Variants in GLT1D1 observed in about 807,000 individuals in gnomAD.
The protein encoded by GLT1D1 is glycosyltransferase 1 domain containing 1, also known as glycosyltransferase 1 domain-containing protein 1.
A neutral mutation model predicts 28.7 loss-of-function variants in GLT1D1; 21 were observed. That is an observed-to-expected ratio of 0.73 (90% confidence interval 0.52 to 1.05). The LOEUF (loss-of-function observed/expected upper bound fraction) is 1.05, where lower values mean the gene tolerates loss of function less well. Ranked by LOEUF, GLT1D1 falls within the 50% of genes least tolerant of loss-of-function variation. The pLI is 0.00. For missense variants in GLT1D1, 343 were observed against 330.6 expected, an observed-to-expected ratio of 1.04 and a Z score of -0.29; for synonymous variants, 147 against 124.8, an observed-to-expected ratio of 1.18 and a Z score of -1.19.
At chr12:128,967,300 C>T (rs568290186) in intron 7 of GLT1D1, among the ~76,000 whole-genome samples, 46 of 152,326 alleles carry the variant, frequency 3.0e-4, no homozygotes, top group Non-Finnish European at 5.0e-4. Context: ...AGTCAGTCAA[C>T]GGTTTAATGT....
chr12:128,905,974 A>G (rs1294660751), intron 4 of GLT1D1, among the ~76,000 whole-genome samples: 1 of 151,466 alleles, frequency 6.6e-6, no homozygotes, highest in Non-Finnish European at 1.5e-5. Context: ...CTGGGACTAC[A>G]GGCCCATGCC....
chr12:128,896,794 G>T (rs11060000), intron 3 of GLT1D1, among the ~76,000 whole-genome samples: 3 of 151,866 alleles, frequency 2.0e-5, no homozygotes, highest in African/African-American at 7.3e-5. Context: ...TGGCTGCATA[G>T]AATTCTATCA....
intron 4 of GLT1D1, 39 bp downstream of exon 5, chr12:128,912,499 A>C: frequency 9.0e-7 from 1 of 1,115,504 alleles, no homozygotes; most frequent in Non-Finnish European, 1.3e-6. Context: ...ATGTACAGGG[A>C]TAGAGAATGA....
intron 7 of GLT1D1, among the ~76,000 whole-genome samples, chr12:128,981,956 C>T (rs750542225): frequency 6.6e-6 from 1 of 152,176 alleles, no homozygotes; most frequent in Non-Finnish European, 1.5e-5. Flanking sequence ...TGTTGACTTA[C>T]ACACGCGCAT....
chr12:128,948,670 T>C (rs1876378302), intron 6 of GLT1D1, among the ~76,000 whole-genome samples: 1 of 152,228 alleles, frequency 6.6e-6, no homozygotes, highest in South Asian at 2.1e-4. Context: ...TCATAAGTCT[T>C]TGGGATATCC....
At chr12:128,935,282 C>T (rs1874427981) in intron 4 of GLT1D1, among the ~76,000 whole-genome samples, 1 of 152,120 alleles carries the variant, frequency 6.6e-6, no homozygotes, top group African/African-American at 2.4e-5. Context: ...CGCGGTGGCT[C>T]ACGTCTGTAA....
intron 4 of GLT1D1, among the ~76,000 whole-genome samples, chr12:128,925,185 CTTTTA>C (rs1873081151): frequency 1.3e-5 from 2 of 151,954 alleles, no homozygotes; most frequent in Admixed American, 6.6e-5. Flanking sequence ...TTTTCTTCAA[CTTTTA>C]TTTTAAGTTC....
In GLT1D1 at chr12:128,856,366, G is replaced by A. The variant is rs192257845; in HGVS notation, c.68+2717G>A. Among the ~76,000 whole-genome samples the A allele has an allele frequency of 2.4e-3, 358 of 152,244 alleles. 1 individual carries two copies. The highest frequency in any genetic ancestry group is 4.0e-3 in the Non-Finnish European group (275 of 68,006). ...AATGCCTTAACCATCTGTGATTGCA[G>A]CCCAGTAGGTCTTAACCTCATTTTA... On this transcript the variant is annotated intron_variant, in intron 1 of 7. Transcript: ENST00000281703.
chr12:128,977,132 A>G (rs927500229), intron 7 of GLT1D1, among the ~76,000 whole-genome samples: 1 of 152,114 alleles, frequency 6.6e-6, no homozygotes, highest in Non-Finnish European at 1.5e-5. Flanking sequence ...GGCGACAGAG[A>G]GAGACTCCAT....
At chr12:128,925,745 G>C (rs1198142491) in intron 4 of GLT1D1, among the ~76,000 whole-genome samples, 3 of 152,080 alleles carry the variant, frequency 2.0e-5, no homozygotes, top group Non-Finnish European at 2.9e-5. Flanking sequence ...ATCTTTTCTA[G>C]AACGTCTGGC....
chr12:128,899,329 AAAT>A (rs764576955), intron 4 of GLT1D1, 42 bp downstream of exon 4: 1 of 1,561,448 alleles, frequency 6.4e-7, no homozygotes, highest in Non-Finnish European at 8.8e-7. Context: ...TGTGCTGATG[AAAT>A]TGCAGAATTC....
intron 4 of GLT1D1, among the ~76,000 whole-genome samples, chr12:128,938,589 C>G (rs1254757349): frequency 6.6e-6 from 1 of 152,094 alleles, no homozygotes; most frequent in Non-Finnish European, 1.5e-5. Context: ...TAGAAAGCAG[C>G]GTTATTTCAG....
At chr12:128,946,955 T>C (rs1565904582) in intron 5 of GLT1D1, among the ~76,000 whole-genome samples, 1 of 152,198 alleles carries the variant, frequency 6.6e-6, no homozygotes, top group East Asian at 1.9e-4. Flanking sequence ...GGCCTATTTC[T>C]ATTATTTCTA....
chr12:128,899,925 A>G (rs1249169129), intron 4 of GLT1D1, among the ~76,000 whole-genome samples: 1 of 152,154 alleles, frequency 6.6e-6, no homozygotes, highest in Non-Finnish European at 1.5e-5. Context: ...CCTTGTATAC[A>G]TGAGAGTAAC....
chr12:128,935,249 T>A (rs1372327797), intron 4 of GLT1D1, among the ~76,000 whole-genome samples: 2 of 152,198 alleles, frequency 1.3e-5, no homozygotes, highest in African/African-American at 2.4e-5. Flanking sequence ...ACCAGAGCTT[T>A]ATGAAATAGT....
chr12:128,970,665 T>G (rs975856114), intron 7 of GLT1D1, among the ~76,000 whole-genome samples: 14 of 152,238 alleles, frequency 9.2e-5, no homozygotes, highest in Admixed American at 2.0e-4. Flanking sequence ...GCTCACCCTC[T>G]GTCTCTAACC....
chr12:128,947,473 C>G lies in GLT1D1; in HGVS notation c.540+15C>G, dbSNP rs778884583. 8.7e-6 allele frequency: 14 copies of G among 1,613,772 alleles called. No individual in the cohort carries two copies. In the Admixed American group the frequency reaches 1.0e-4, roughly 12 times the overall value. ...CAATTTTGGAGGTAATTATGTAACT[C>G]GAGTACTGAAAGTGGGAGTGTGAAA... On this transcript the variant is annotated intron_variant, in intron 6 of 7. Coordinates refer to ENST00000281703, the MANE Select transcript of GLT1D1 (RefSeq NM_144669.3).
At chr12:128,863,836 C>G (rs964352824) in intron 1 of GLT1D1, among the ~76,000 whole-genome samples, 1 of 150,944 alleles carries the variant, frequency 6.6e-6, no homozygotes, top group African/African-American at 2.4e-5. Context: ...ATCCCAGCTA[C>G]TCGGGAGGCT....
intron 2 of GLT1D1, among the ~76,000 whole-genome samples, chr12:128,884,368 G>A (rs1957131092): frequency 6.6e-6 from 1 of 152,206 alleles, no homozygotes; most frequent in African/African-American, 2.4e-5. Flanking sequence ...GAAGCAGAGA[G>A]TAGTAGGATG....
Sources: allele counts gnomAD v4.1 joint callset (sites outside exome capture counted in the v4.1 genomes callset), GRCh38; gene constraint gnomAD v4.1.1; transcripts MANE v1.5; gene names NCBI Gene and HGNC (gene_info 2026-07-23, HGNC 2026-07-21).